The following PRKCI variants were observed in gnomAD, a reference collection of about 807,000 sequenced individuals.
PRKCI encodes protein kinase C iota type.
In PRKCI, 43 loss-of-function variants were observed where a neutral mutation model predicts 84.0. The ratio of observed to expected loss-of-function variants is 0.51; its 90% CI spans 0.40 to 0.66. The LOEUF (loss-of-function observed/expected upper bound fraction) is 0.66. PRKCI is among the 30% of genes least tolerant of loss of function. The pLI is 0.00. For missense variants in PRKCI, 459 were observed against 745.6 expected (o/e 0.62, Z 4.48); for synonymous variants, 216 against 234.4 (o/e 0.92, Z 0.72).
Position 170,305,511 on chromosome 3 carries a change from T to C in PRKCI, c.*2384T>C, listed in dbSNP as rs1202488702. 3 of 152,468 alleles carry C rather than the reference T, an allele frequency of 2.0e-5. No individual in the cohort carries two copies. The highest frequency in any genetic ancestry group is 4.4e-5 in the Non-Finnish European group (3 of 68,032). The allele number at this position is 152,468 out of a possible 1,614,324, so 9.4% of individuals were successfully genotyped here. A position where few individuals can be genotyped will look rare whatever the true frequency, so the allele number is the denominator to read the frequency against. On this transcript the variant is annotated 3_prime_UTR_variant, in exon 18 of 18. Coordinates refer to ENST00000295797, the MANE Select transcript of PRKCI (RefSeq NM_002740.6). Reference sequence around the variant, plus strand: ...CAGTGTACAAAATGATGAGCATTTTTCTATGATGAGGTTTTAACCATTATT... The same window carrying C: ...CAGTGTACAAAATGATGAGCATTTTCCTATGATGAGGTTTTAACCATTATT...
intron 2 of PRKCI, among the ~76,000 whole-genome samples, chr3:170,252,504 CTT>C (rs1255391254): frequency 2.6e-5 from 4 of 151,948 alleles, no homozygotes; most frequent in Admixed American, 2.0e-4. Context: ...CAATTATACT[CTT>C]TTAGTTATTT....
chr3:170,243,045 T>C (rs191235909), intron 2 of PRKCI, among the ~76,000 whole-genome samples: 3 of 152,174 alleles, frequency 2.0e-5, no homozygotes, highest in South Asian at 4.1e-4. Flanking sequence ...AAAAATAGAT[T>C]TATTGAGGTA....
chr3:170,245,949 G>GT (rs112482352), intron 2 of PRKCI, among the ~76,000 whole-genome samples: 3,121 of 82,464 alleles, frequency 0.038, 226 homozygotes, highest in African/African-American at 0.12. Context: ...TTATGTCTTT[G>GT]TTTTTTTTTT....
At chr3:170,246,797 A>G (rs1733299876) in intron 2 of PRKCI, among the ~76,000 whole-genome samples, 1 of 152,160 alleles carries the variant, frequency 6.6e-6, no homozygotes, top group African/African-American at 2.4e-5. Context: ...CCAATCAGAA[A>G]CTGTACCCAT....
chr3:170,249,581 GA>G (rs1733384844), intron 2 of PRKCI, among the ~76,000 whole-genome samples: 3 of 151,974 alleles, frequency 2.0e-5, no homozygotes, highest in African/African-American at 7.3e-5. Context: ...TTGAGCCTAG[GA>G]GTTTAAGACC....
intron 8 of PRKCI, among the ~76,000 whole-genome samples, chr3:170,279,435 A>G (rs1466255070): frequency 1.3e-5 from 2 of 152,102 alleles, no homozygotes; most frequent in East Asian, 3.8e-4. Context: ...CTCAAAATTT[A>G]CTATTTGCTT....
intron 2 of PRKCI, among the ~76,000 whole-genome samples, chr3:170,245,297 G>A (rs1239088762): frequency 6.6e-6 from 1 of 152,098 alleles, no homozygotes; most frequent in Non-Finnish European, 1.5e-5. Context: ...GAAGTTGGGG[G>A]TAGTCTGTGG....
intron 4 of PRKCI, among the ~76,000 whole-genome samples, chr3:170,263,930 C>T (rs1380962795): frequency 6.6e-6 from 1 of 152,190 alleles, no homozygotes; most frequent in Non-Finnish European, 1.5e-5. Context: ...TTCTTAGTTA[C>T]AACTTACATG....
intron 3 of PRKCI, 41 bp downstream of exon 3, chr3:170,260,099 T>C: frequency 7.7e-7 from 1 of 1,300,402 alleles, no homozygotes. Context: ...GACTGATAAT[T>C]TCTTTGAAAT....
chr3:170,297,574 C>T (rs1734715412), intron 16 of PRKCI, among the ~76,000 whole-genome samples, 181 bp downstream of exon 16: 2 of 152,118 alleles, frequency 1.3e-5, no homozygotes, highest in Non-Finnish European at 2.9e-5. Flanking sequence ...GTCTCTGCCT[C>T]CCTAGTAGCT....
At chr3:170,242,821 C>G (rs186380297) in intron 2 of PRKCI, among the ~76,000 whole-genome samples, 2 of 151,894 alleles carry the variant, frequency 1.3e-5, no homozygotes, top group African/African-American at 4.8e-5. Context: ...CAGACACCTG[C>G]CACCATGCCC....
intron 7 of PRKCI, among the ~76,000 whole-genome samples, 187 bp from the exon 8 acceptor site, chr3:170,275,042 T>C (rs1734079565): frequency 6.6e-6 from 1 of 152,178 alleles, no homozygotes; most frequent in Admixed American, 6.5e-5. Context: ...ATTTAACTAT[T>C]GTATTTACAT....
In PRKCI at chr3:170,303,650, T is replaced by A. The variant is rs1445180529; in HGVS notation, c.*523T>A. ...CCTTGGATAAATAAATTATTGATCT[T>A]TTTTAAGGCAGCAGTTATTAAATTG... On this transcript the variant is annotated 3_prime_UTR_variant, in exon 18 of 18. Transcript: ENST00000295797. 23 of 223,808 alleles carry A rather than the reference T, an allele frequency of 1.0e-4. No individual in the cohort carries two copies. Among genetic ancestry groups the A allele is most frequent in the Non-Finnish European group, 1.8e-4 (20 of 112,186 alleles). 13.9% of individuals were successfully genotyped at this position (223,808 alleles called of 1,614,324 possible). A position where few individuals can be genotyped will look rare whatever the true frequency, so the allele number is the denominator to read the frequency against.
chr3:170,268,089 T>G, intron 5 of PRKCI, 89 bp downstream of exon 5: 1 of 1,053,774 alleles, frequency 9.5e-7, no homozygotes, highest in Non-Finnish European at 1.4e-6. Flanking sequence ...TATTAAGTCT[T>G]GTTATACACT....
At chr3:170,280,958 TAA>T (rs1734228787) in intron 9 of PRKCI, among the ~76,000 whole-genome samples, 1 of 152,240 alleles carries the variant, frequency 6.6e-6, no homozygotes, top group South Asian at 2.1e-4. Flanking sequence ...TTGAGCTTTG[TAA>T]AAGTTTTCTA....
chr3:170,268,141 C>G, intron 5 of PRKCI, 141 bp downstream of exon 5: 2 of 657,444 alleles, frequency 3.0e-6, no homozygotes, highest in Non-Finnish European at 5.0e-6. Flanking sequence ...TCCAGTTTGC[C>G]TGAGGCAGTA....
At position 170,300,979 on chromosome 3, in the gene PRKCI, T is replaced by C. The variant is rs534217184; in HGVS notation, c.1703+1869T>C. On this transcript the variant is annotated intron_variant, in intron 17 of 17. Transcript: ENST00000295797. ...GTTCATGACAGCCTTCTTTTTGCTA[T>C]ATGCAGTTTGTACCTTGGAGATTTC... Among the ~76,000 whole-genome samples the C allele has an allele frequency of 2.0e-5, 3 of 152,322 alleles. No individual in the cohort carries two copies. The East Asian group carries it at 5.8e-4, about 29-fold the overall frequency.
intron 4 of PRKCI, 145 bp from the exon 5 acceptor site, chr3:170,267,768 ATC>A (rs1733900570): frequency 7.6e-6 from 4 of 527,082 alleles, no homozygotes; most frequent in Non-Finnish European, 3.3e-6. Context: ...CCCTTGATGA[ATC>A]TATTTTATTT....
At chr3:170,277,911 C>T (rs1461989328) in intron 8 of PRKCI, among the ~76,000 whole-genome samples, 1 of 151,884 alleles carries the variant, frequency 6.6e-6, no homozygotes, top group East Asian at 1.9e-4. Context: ...TTTTTCTTTC[C>T]TTCCTACGTC....
Sources: gnomAD v4.1 joint callset for allele counts (sites outside exome capture counted in the v4.1 genomes callset) on GRCh38, gnomAD v4.1.1 for gene constraint, MANE v1.5 for transcripts, NCBI Gene and HGNC (gene_info 2026-07-23, HGNC 2026-07-21) for gene names.